Variants in CEACAM5 observed in about 807,000 individuals in gnomAD.
CEACAM5 encodes the protein cell adhesion molecule CEACAM5.
Under a neutral mutation model 63.0 loss-of-function variants are expected in CEACAM5, and 52 were observed. That is an observed-to-expected ratio of 0.83 (90% CI 0.66 to 1.04). The LOEUF (loss-of-function observed/expected upper bound fraction) is 1.04. Ranked by LOEUF, CEACAM5 falls within the 50% of genes least tolerant of loss-of-function variation. The pLI, the probability that CEACAM5 is intolerant of heterozygous loss-of-function variation, is 0.00. For missense variants in CEACAM5, 790 were observed against 864.8 expected, an observed-to-expected ratio of 0.91 and a Z score of 1.08; for synonymous variants, 357 against 351.3, an observed-to-expected ratio of 1.02 and a Z score of -0.18.
Position 41,720,975 on chromosome 19 carries a change from G to A in CEACAM5, c.1825G>A (p.Ala609Thr). 1.2e-6 allele frequency: 2 copies of A among 1,613,962 alleles called. No homozygotes were observed. Among genetic ancestry groups the A allele is most frequent in the Non-Finnish European group, 1.7e-6 (2 of 1,179,996 alleles). The change falls in exon 8 of 10, where the codon GCG becomes ACG. Residue 609 changes from alanine to threonine, a missense_variant. Coordinates refer to ENST00000221992, the MANE Select transcript of CEACAM5 (RefSeq NM_004363.6). ...CCCAGACTCGTCTTACCTTTCGGGA[G>A]CGAACCTCAACCTCTCCTGCCACTC... ...SPPDSSYLSG[A>T]NLNLSCHSAS... is the part of the protein sequence containing the mutation.
At chr19:41,724,885 A>G (rs1403823797) in intron 8 of CEACAM5, among the ~76,000 whole-genome samples, 1 of 152,230 alleles carries the variant, frequency 6.6e-6, no homozygotes, top group African/African-American at 2.4e-5. Flanking sequence ...GGTTTTCTAC[A>G]GAGAAGTCCA....
At chr19:41,722,777 G>A (rs1211426959) in intron 8 of CEACAM5, among the ~76,000 whole-genome samples, 1 of 152,170 alleles carries the variant, frequency 6.6e-6, no homozygotes, top group African/African-American at 2.4e-5. Flanking sequence ...TTTGGCTATT[G>A]TGAGTAATGC....
chr19:41,720,953 A>G lies in CEACAM5; in HGVS notation c.1803A>G (p.Pro601=). 6.2e-7 allele frequency: 1 copy of G among 1,604,762 alleles called. No homozygotes were observed. The highest frequency in any genetic ancestry group is 8.5e-7 in the Non-Finnish European group (1 of 1,175,792). Residue 601 remains proline (P), a synonymous_variant, in exon 8 of 10, where the codon CCA becomes CCG. Coordinates refer to ENST00000221992, the MANE Select transcript of CEACAM5 (RefSeq NM_004363.6). ...YGPDTPIISP[P]DSSYLSGANL... is the part of the protein sequence containing the mutation. ...CGGACACCCCCATCATTTCCCCCCC[A>G]GACTCGTCTTACCTTTCGGGAGCGA... is the stretch of plus-strand genomic sequence containing the variant.
chr19:41,720,871 T>C (rs2072608160), intron 7 of CEACAM5, 51 bp from the exon 8 acceptor site: 4 of 1,602,010 alleles, frequency 2.5e-6, no homozygotes, highest in Admixed American at 1.7e-5. Context: ...AATCAGGAGC[T>C]TCCCCTTTCC....
rs2072559062 is a variant in CEACAM5, at chr19:41,718,186, C to T, written c.1296C>T (p.Asn432=). ...PSYTYYRPGV[N]LSLSCHAASN... The stretch of plus-strand genomic sequence containing the variant: ...ACACCTATTACCGTCCAGGGGTGAA[C>T]CTCAGCCTCTCCTGCCATGCAGCCT... The change falls in exon 6 of 10, where the codon AAC becomes AAT. Residue 432 remains asparagine (N), a synonymous_variant. Transcript: ENST00000221992. The T allele has an allele frequency of 1.9e-6, 3 of 1,614,110 alleles. No homozygotes were observed. Among genetic ancestry groups the T allele is most frequent in the East Asian group, 2.2e-5 (1 of 44,904 alleles).
chr19:41,720,467 C>T (rs1208895706), intron 7 of CEACAM5, among the ~76,000 whole-genome samples: 9 of 150,710 alleles, frequency 6.0e-5, no homozygotes, highest in South Asian at 2.1e-4. Context: ...GTCTCAGACC[C>T]AGACTCAGTG....
intron 6 of CEACAM5, among the ~76,000 whole-genome samples, chr19:41,719,652 T>C (rs1431088469): frequency 1.3e-5 from 2 of 152,190 alleles, no homozygotes; most frequent in African/African-American, 4.8e-5. Flanking sequence ...AAGGAGGTGC[T>C]GGGGGCTGTG....
At chr19:41,708,834 A>AGCACAAAGACTG in intron 1 of CEACAM5, 39 bp downstream of exon 1, 1 of 1,542,752 alleles carries the variant, frequency 6.5e-7, no homozygotes. Flanking sequence ...GGGAGGAGGG[A>AGCACAAAGACTG]GCTGGGGTCT....
chr19:41,720,955 ACTCGT>A lies in CEACAM5; in HGVS notation c.1808_1812del (p.Ser603LeufsTer16). ...GACACCCCCATCATTTCCCCCCCAG[ACTCGT>A]CTTACCTTTCGGGAGCGAACCTCAA... On this transcript the variant is annotated frameshift_variant, in exon 8 of 10. Coordinates refer to ENST00000221992, the MANE Select transcript of CEACAM5 (RefSeq NM_004363.6). LOFTEE classifies it high-confidence loss of function. The A allele has an allele frequency of 6.2e-7, 1 of 1,611,374 alleles. No individual in the cohort carries two copies. Among genetic ancestry groups the A allele is most frequent in the Non-Finnish European group, 8.5e-7 (1 of 1,179,242 alleles).
At position 41,720,200 on chromosome 19, in the gene CEACAM5, ATGTCCTCTGTGAG is replaced by A; in HGVS notation, c.1765_1771+6del. Reference sequence around the variant, plus strand: ...AACCGCAGTGACCCAGTCACCCTGGATGTCCTCTGTGAGTATCTTCTGTTCCTCTGTGGCCCTG... The same window carrying A: ...AACCGCAGTGACCCAGTCACCCTGGATATCTTCTGTTCCTCTGTGGCCCTG... On this transcript the variant is annotated splice_donor_variant and splice_donor_5th_base_variant and coding_sequence_variant and intron_variant, in exon 7 of 10. Transcript: ENST00000221992. LOFTEE classifies it high-confidence loss of function. 6.2e-7 allele frequency: 1 copy of A among 1,613,848 alleles called. No homozygotes were observed. Among genetic ancestry groups the A allele is most frequent in the Non-Finnish European group, 8.5e-7 (1 of 1,179,738 alleles).
At chr19:41,723,883 A>G (rs2072661914) in intron 8 of CEACAM5, among the ~76,000 whole-genome samples, 1 of 151,212 alleles carries the variant, frequency 6.6e-6, no homozygotes, top group Admixed American at 6.6e-5. Flanking sequence ...CAGGAGGCAT[A>G]GCTTGCAGTG....
chr19:41,714,709 C>G (rs550789346), intron 2 of CEACAM5, among the ~76,000 whole-genome samples: 5 of 152,168 alleles, frequency 3.3e-5, no homozygotes, highest in East Asian at 1.9e-4. Context: ...ACCTCCCCCC[C>G]AGTCCTGTGT....
intron 1 of CEACAM5, 48 bp from the exon 2 acceptor site, chr19:41,709,632 C>T (rs2072400391): frequency 6.3e-7 from 1 of 1,575,370 alleles, no homozygotes; most frequent in Non-Finnish European, 8.6e-7. Flanking sequence ...TTTTTCCACC[C>T]TAATGCATAG....
intron 2 of CEACAM5, 57 bp from the exon 3 acceptor site, chr19:41,714,914 G>C: frequency 6.2e-7 from 1 of 1,609,670 alleles, no homozygotes; most frequent in Admixed American, 1.7e-5. Flanking sequence ...ATTGAAAGAT[G>C]CCTGTGAGGA....
At chr19:41,728,910 C>G (rs1171280242) in intron 9 of CEACAM5, among the ~76,000 whole-genome samples, 2 of 151,706 alleles carry the variant, frequency 1.3e-5, no homozygotes, top group African/African-American at 4.9e-5. Flanking sequence ...GAAACAGAAG[C>G]TGAATGGAAA....
intron 9 of CEACAM5, among the ~76,000 whole-genome samples, chr19:41,728,685 G>T (rs1568714553): frequency 1.3e-5 from 2 of 151,458 alleles, no homozygotes; most frequent in Non-Finnish European, 2.9e-5. Context: ...TACTCAGAAG[G>T]CTGAGGCAGG....
chr19:41,720,246 A>G (rs1189728056), intron 7 of CEACAM5, 38 bp downstream of exon 7: 23 of 1,598,370 alleles, frequency 1.4e-5, no homozygotes, highest in Non-Finnish European at 1.8e-5. Context: ...CTGGTTTCCA[A>G]CCCAAATCCA....
chr19:41,715,656 C>T lies in CEACAM5; in HGVS notation c.710C>T (p.Pro237Leu), dbSNP rs200472113. Reference protein sequence around the residue: ...DSVILNVLYGPDAPTISPLNT... With the variant: ...DSVILNVLYGLDAPTISPLNT... Reference sequence around the variant, plus strand: ...TTTATTTTGTTTGCTCCAGATGGCCCGGATGCCCCCACCATTTCCCCTCTA... The same window carrying T: ...TTTATTTTGTTTGCTCCAGATGGCCTGGATGCCCCCACCATTTCCCCTCTA... Residue 237 changes from proline (P) to leucine (L), a missense_variant, in exon 4 of 10, where the codon CCG (proline) becomes CTG (leucine). Pro to Leu is a moderately conservative substitution (Grantham distance 98). Transcript: ENST00000221992. The T allele has an allele frequency of 1.4e-4, 220 of 1,614,150 alleles. No homozygotes were observed. The highest frequency in any genetic ancestry group is 6.3e-4 in the Admixed American group (38 of 60,026).
At chr19:41,712,987 G>T (rs2072459905) in intron 2 of CEACAM5, among the ~76,000 whole-genome samples, 1 of 152,070 alleles carries the variant, frequency 6.6e-6, no homozygotes, top group African/African-American at 2.4e-5. Context: ...AACATTTTTT[G>T]ACCACTGACA....
Sources: allele counts gnomAD v4.1 joint callset (sites outside exome capture counted in the v4.1 genomes callset), GRCh38; gene constraint gnomAD v4.1.1; transcripts MANE v1.5; gene names NCBI Gene and HGNC (gene_info 2026-07-23, HGNC 2026-07-21).